Variants in LEP observed in about 807,000 individuals in gnomAD.
LEP encodes leptin (murine obesity homolog).
LEP carries 6 observed loss-of-function variants against 9.8 expected under a neutral mutation model. That is an observed-to-expected ratio of 0.61 (90% confidence interval 0.34 to 1.21). The LOEUF (loss-of-function observed/expected upper bound fraction) is 1.21, where lower values mean the gene tolerates loss of function less well. Among genes scored for constraint, LEP ranks in the 50% most tolerant of loss-of-function variants. The pLI is 0.04. For synonymous variants in LEP, 112 were observed against 81.7 expected (o/e 1.37, Z -2.00); for missense variants, 134 against 198.1 (o/e 0.68, Z 1.94).
chr7:128,252,277 G>A, intron 2 of LEP, 115 bp downstream of exon 2: 1 of 1,148,764 alleles, frequency 8.7e-7, no homozygotes, highest in East Asian at 2.3e-5. Flanking sequence ...TGAATGCCAG[G>A]CACCTACTGG....
intron 1 of LEP, among the ~76,000 whole-genome samples, chr7:128,244,246 G>GACACACACACAC (rs60815271): frequency 6.1e-4 from 90 of 147,142 alleles, no homozygotes; most frequent in East Asian, 2.0e-3. Context: ...GCAAGACCCT[G>GACACACACACAC]ACACACACAC....
intron 1 of LEP, among the ~76,000 whole-genome samples, chr7:128,248,464 G>C (rs1017010107): frequency 6.6e-6 from 1 of 151,914 alleles, no homozygotes; most frequent in African/African-American, 2.4e-5. Context: ...GCCAGGCTGG[G>C]TGGTGCATGC....
At chr7:128,245,151 T>C (rs1163121188) in intron 1 of LEP, among the ~76,000 whole-genome samples, 4 of 152,158 alleles carry the variant, frequency 2.6e-5, no homozygotes, top group African/African-American at 9.7e-5. Context: ...CTCTCCAGCC[T>C]CACACACTCC....
intron 1 of LEP, among the ~76,000 whole-genome samples, chr7:128,247,726 G>A (rs1039658654): frequency 5.3e-5 from 8 of 152,178 alleles, no homozygotes; most frequent in Non-Finnish European, 1.2e-4. Flanking sequence ...AAGGCATTGG[G>A]GTTGGCTACG....
At chr7:128,251,934 G>A in intron 1 of LEP, 57 bp from the exon 2 acceptor site, 1 of 1,373,500 alleles carries the variant, frequency 7.3e-7, no homozygotes, top group Non-Finnish European at 1.0e-6. Context: ...GTAATGTGAA[G>A]ATGGGTGTAT....
chr7:128,256,999 A>C lies in LEP; in HGVS notation c.*2236A>C, dbSNP rs934931156. 2.0e-5 allele frequency: 3 copies of C among 152,480 alleles called. No homozygotes were observed. The highest frequency in any genetic ancestry group is 2.0e-4 in the Admixed American group (3 of 15,280). 9.4% of individuals were successfully genotyped at this position (152,480 alleles called of 1,614,324 possible). On this transcript the variant is annotated 3_prime_UTR_variant, in exon 3 of 3. Coordinates refer to ENST00000308868, the MANE Select transcript of LEP (RefSeq NM_000230.3). ...AGTGAGTTACAGCGAGAGGCAGAGA[A>C]AGAAGAGACAGGAGGGCAAGGGCCA...
intron 2 of LEP, among the ~76,000 whole-genome samples, chr7:128,252,429 T>C (rs1238465606): frequency 6.6e-6 from 1 of 152,184 alleles, no homozygotes; most frequent in East Asian, 1.9e-4. Flanking sequence ...ATGTTTCCAT[T>C]TAAAAATCAT....
rs1364780255 is a variant in LEP at position 128,254,727 on chromosome 7, C to T, written c.468C>T (p.Asp156=). The T allele has an allele frequency of 1.2e-6, 2 of 1,612,616 alleles. No individual in the cohort carries two copies. Among genetic ancestry groups the T allele is most frequent in the Non-Finnish European group, 8.5e-7 (1 of 1,179,992 alleles). ...ALSRLQGSLQ[D]MLWQLDLSPG... is the part of the protein sequence containing the mutation. ...GCAGGCTGCAGGGGTCTCTGCAGGA[C>T]ATGCTGTGGCAGCTGGACCTCAGCC... Residue 156 remains aspartate (D), a synonymous_variant, in exon 3 of 3, where the codon GAC becomes GAT. Coordinates refer to ENST00000308868, the MANE Select transcript of LEP (RefSeq NM_000230.3).
chr7:128,253,372 C>T (rs1310815835), intron 2 of LEP, among the ~76,000 whole-genome samples: 1 of 152,196 alleles, frequency 6.6e-6, no homozygotes, highest in African/African-American at 2.4e-5. Context: ...AGACCTTCAG[C>T]CATTTTCCTG....
At position 128,242,423 on chromosome 7, in the gene LEP, G is replaced by A. The variant is rs140880909; in HGVS notation, c.-29+1117G>A. Among the ~76,000 whole-genome samples, 312 of 152,258 alleles carry A rather than the reference G, an allele frequency of 2.0e-3. 1 individual carries two copies. Among genetic ancestry groups the A allele is most frequent in the African/African-American group, 7.0e-3 (291 of 41,552 alleles). The stretch of plus-strand genomic sequence containing the variant: ...AATTTTGCCAATCTCTTTCATATTA[G>A]GATTGTCTGCAGAACCAGATATGGA... On this transcript the variant is annotated intron_variant, in intron 1 of 2. Coordinates refer to ENST00000308868, the MANE Select transcript of LEP (RefSeq NM_000230.3).
intron 1 of LEP, among the ~76,000 whole-genome samples, chr7:128,245,763 A>T (rs1795203125): frequency 6.6e-6 from 1 of 152,176 alleles, no homozygotes; most frequent in Non-Finnish European, 1.5e-5. Flanking sequence ...TCCAGCCTGG[A>T]TCTAAAGAGC....
Position 128,257,083 on chromosome 7 carries a change from G to A in LEP, c.*2320G>A, listed in dbSNP as rs959473920. 6 of 152,326 alleles carry A rather than the reference G, an allele frequency of 3.9e-5. No homozygotes were observed. The highest frequency in any genetic ancestry group is 6.5e-5 in the Admixed American group (1 of 15,274). The allele number at this position is 152,326 out of a possible 1,614,324, so 9.4% of individuals were successfully genotyped here. ...ATATTAAAGGAGTTAAGAGTAGCAA[G>A]TTCTAGAGAAGAGGCTGGTGCTGTG... is the stretch of plus-strand genomic sequence containing the variant. On this transcript the variant is annotated 3_prime_UTR_variant, in exon 3 of 3. Transcript: ENST00000308868.
chr7:128,253,817 G>C (rs1258329669), intron 2 of LEP, among the ~76,000 whole-genome samples: 3 of 152,236 alleles, frequency 2.0e-5, no homozygotes, highest in African/African-American at 7.2e-5. Flanking sequence ...CCCACCTTGG[G>C]TGGTGTAATA....
rs114915709 is a variant in LEP at position 128,248,477 on chromosome 7, G to A, written c.-28-3514G>A. On this transcript the variant is annotated intron_variant, in intron 1 of 2. Transcript: ENST00000308868. ...TAGCCAGGCTGGGTGGTGCATGCCC[G>A]TAATTCCAGCTACTCAGGAGGATGA... Among the ~76,000 whole-genome samples, 1,472 of 151,874 alleles carry A rather than the reference G, an allele frequency of 9.7e-3. 26 individuals carry two copies. The highest frequency in any genetic ancestry group is 0.033 in the African/African-American group (1,383 of 41,402).
intron 1 of LEP, among the ~76,000 whole-genome samples, chr7:128,244,180 A>T (rs1199166800): frequency 3.3e-5 from 5 of 151,942 alleles, no homozygotes; most frequent in Non-Finnish European, 7.4e-5. Flanking sequence ...GAGCCCGGGA[A>T]GTCGGGGGTC....
intron 1 of LEP, among the ~76,000 whole-genome samples, chr7:128,246,240 G>A (rs1795209792): frequency 6.6e-6 from 1 of 152,052 alleles, no homozygotes; most frequent in Non-Finnish European, 1.5e-5. Context: ...GAGGCCACCA[G>A]CTTCTTAGGG....
chr7:128,245,702 T>C (rs1395970702), intron 1 of LEP, among the ~76,000 whole-genome samples: 1 of 152,222 alleles, frequency 6.6e-6, no homozygotes, highest in African/African-American at 2.4e-5. Flanking sequence ...GTTCTCCCCA[T>C]TGATGTCATC....
At chr7:128,247,464 A>G (rs1267969456) in intron 1 of LEP, among the ~76,000 whole-genome samples, 2 of 152,112 alleles carry the variant, frequency 1.3e-5, no homozygotes, top group Non-Finnish European at 2.9e-5. Context: ...GCAGAAGGGA[A>G]AGCTTTGCCT....
chr7:128,253,899 G>T (rs890592349), intron 2 of LEP, among the ~76,000 whole-genome samples: 1 of 152,188 alleles, frequency 6.6e-6, no homozygotes, highest in Non-Finnish European at 1.5e-5. Flanking sequence ...GATGGATGGG[G>T]AGAGCCTCCC....
Sources: allele counts gnomAD v4.1 joint callset (sites outside exome capture counted in the v4.1 genomes callset), GRCh38; gene constraint gnomAD v4.1.1; transcripts MANE v1.5; gene names NCBI Gene and HGNC (gene_info 2026-07-23, HGNC 2026-07-21).